CPPED1: variants seen among roughly 807,000 people sequenced by gnomAD.
CPPED1 encodes the protein serine/threonine-protein phosphatase CPPED1.
A neutral mutation model predicts 28.0 loss-of-function variants in CPPED1; 28 were observed. That is an observed-to-expected ratio of 1.00 (90% CI 0.74 to 1.37). CPPED1 has a LOEUF of 1.37. Ranked by LOEUF, CPPED1 falls within the 40% of genes most tolerant of loss-of-function variation. The pLI is 0.00. For missense variants in CPPED1, 504 were observed against 416.5 expected (o/e 1.21, Z -1.83); for synonymous variants, 198 against 180.2 (o/e 1.10, Z -0.79).
chr16:12,803,849 G>T lies in CPPED1; in HGVS notation c.-73C>A. On this transcript the variant is annotated 5_prime_UTR_variant, in exon 1 of 4. Coordinates refer to ENST00000381774, the MANE Select transcript of CPPED1 (RefSeq NM_018340.3). ...CCGCGCGACTTCACACAGAACAACC[G>T]CTGGACCTGTCCCGCTTTGGGCGAC... 4.3e-6 allele frequency: 6 copies of T among 1,402,766 alleles called. No homozygotes were observed. The highest frequency in any genetic ancestry group is 5.8e-6 in the Non-Finnish European group (6 of 1,035,560). The allele number at this position is 1,402,766 out of a possible 1,614,324, so 86.9% of individuals were successfully genotyped here.
At chr16:12,714,102 T>C (rs1567283953) in intron 2 of CPPED1, among the ~76,000 whole-genome samples, 1 of 152,256 alleles carries the variant, frequency 6.6e-6, no homozygotes. Context: ...TTGTAGCCTA[T>C]GTTAGTGCTT....
rs139603592 is a variant in CPPED1, at chr16:12,733,887, G to A, written c.290-28838C>T. On this transcript the variant is annotated intron_variant, in intron 2 of 3. Transcript: ENST00000381774. ...TTCTTAATCTGCATGCATTTATAAC[G>A]TGAATAAAGACAGAAAACAAAATGA... Among the ~76,000 whole-genome samples the A allele has an allele frequency of 9.4e-3, 1,422 of 151,646 alleles. 8 individuals are homozygous for A. Among genetic ancestry groups the A allele is most frequent in the Middle Eastern group, 0.058 (17 of 294 alleles).
intron 2 of CPPED1, among the ~76,000 whole-genome samples, chr16:12,739,452 G>C (rs2080243115): frequency 6.6e-6 from 1 of 152,054 alleles, no homozygotes; most frequent in Non-Finnish European, 1.5e-5. Context: ...ATGGTGGCAG[G>C]CGCCTGTAAT....
At chr16:12,768,515 T>C (rs1381376428) in intron 2 of CPPED1, among the ~76,000 whole-genome samples, 1 of 152,146 alleles carries the variant, frequency 6.6e-6, no homozygotes, top group Non-Finnish European at 1.5e-5. Context: ...CACCATTGAG[T>C]TTATATTTTG....
rs2080676476 is a variant in CPPED1 at position 12,803,773 on chromosome 16, A to C, written c.4T>G (p.Ser2Ala). 6.3e-7 allele frequency: 1 copy of C among 1,599,820 alleles called. No homozygotes were observed. The highest frequency in any genetic ancestry group is 8.5e-7 in the Non-Finnish European group (1 of 1,174,182). Residue 2 changes from serine to alanine, a missense_variant, in exon 1 of 4, where the codon TCG (serine) becomes GCG (alanine). By Grantham distance (99) the Ser-to-Ala change is moderately conservative. Coordinates refer to ENST00000381774, the MANE Select transcript of CPPED1 (RefSeq NM_018340.3). ...AAAACACCCCCCGCCTCTGCAGCCG[A>C]CATGGCGAGCGAGTTTCTGGCCTTC... is the stretch of plus-strand genomic sequence containing the variant. The part of the protein sequence containing the change: M[S>A]AAEAGGVFHR...
intron 3 of CPPED1, among the ~76,000 whole-genome samples, chr16:12,666,244 T>C (rs181699902): frequency 6.6e-6 from 1 of 152,020 alleles, no homozygotes; most frequent in Non-Finnish European, 1.5e-5. Context: ...AAACCCAAGG[T>C]CACAGGTAGG....
At chr16:12,777,977 T>C (rs2141236792) in intron 2 of CPPED1, among the ~76,000 whole-genome samples, 1 of 151,710 alleles carries the variant, frequency 6.6e-6, no homozygotes, top group East Asian at 1.9e-4. Flanking sequence ...TGGTGTAGTC[T>C]TGGCTCACTG....
rs977743533 is a variant in CPPED1 at position 12,705,043 on chromosome 16, G to A, written c.296C>T (p.Pro99Leu). 3.1e-6 allele frequency: 5 copies of A among 1,606,112 alleles called. No individual in the cohort carries two copies. Among genetic ancestry groups the A allele is most frequent in the African/African-American group, 2.7e-5 (2 of 74,900 alleles). ...GTCCTCCGTCTGCTCCGTCCGCCAC[G>A]GCTTCCCTGGAAGAGTGAGGGTCAC... ...GDLIHAMPGK[P>L]WRTEQTEDLK... is the part of the protein sequence containing the mutation. The change falls in exon 3 of 4, where the codon CCG becomes CTG. Residue 99 changes from proline (P) to leucine (L), a missense_variant. By Grantham distance (98) the Pro-to-Leu change is moderately conservative. Transcript: ENST00000381774.
At position 12,682,342 on chromosome 16, in the gene CPPED1, T is replaced by C. The variant is rs2079909540; in HGVS notation, c.716-17227A>G. Among the ~76,000 whole-genome samples the C allele has an allele frequency of 1.3e-5, 2 of 152,210 alleles. No homozygotes were observed. The highest frequency in any genetic ancestry group is 4.1e-4 in the South Asian group (2 of 4,830). On this transcript the variant is annotated intron_variant, in intron 3 of 3. Coordinates refer to ENST00000381774, the MANE Select transcript of CPPED1 (RefSeq NM_018340.3). The surrounding 1 kb of genome is among the most constrained non-coding windows in gnomAD (Gnocchi z 6.1). ...CGAGCCACCGCGCCCAGCCCCTTTA[T>C]TACTTTTCTACATGGGGGGCTATGC...
At chr16:12,748,629 T>C (rs1241454806) in intron 2 of CPPED1, among the ~76,000 whole-genome samples, 1 of 152,158 alleles carries the variant, frequency 6.6e-6, no homozygotes, top group Non-Finnish European at 1.5e-5. Context: ...CTCATGCCTG[T>C]AATCCCAGCA....
chr16:12,726,923 G>A (rs886530424), intron 2 of CPPED1, among the ~76,000 whole-genome samples: 10 of 152,176 alleles, frequency 6.6e-5, no homozygotes, highest in African/African-American at 2.2e-4. Flanking sequence ...CTGGGAGAGG[G>A]TGGTGAATGG....
intron 2 of CPPED1, among the ~76,000 whole-genome samples, chr16:12,719,877 A>G (rs1401346573): frequency 6.6e-6 from 1 of 152,156 alleles, no homozygotes; most frequent in African/African-American, 2.4e-5. Flanking sequence ...CAGAGGTTGC[A>G]GTGAGCTGAG....
Position 12,670,508 on chromosome 16 carries a change from G to GT in CPPED1, c.716-5394dup, listed in dbSNP as rs1264494383. Among the ~76,000 whole-genome samples the GT allele has an allele frequency of 1.3e-5, 2 of 151,096 alleles. No individual in the cohort carries two copies. Among genetic ancestry groups the GT allele is most frequent in the Non-Finnish European group, 2.9e-5 (2 of 67,830 alleles). On this transcript the variant is annotated intron_variant, in intron 3 of 3. Coordinates refer to ENST00000381774, the MANE Select transcript of CPPED1 (RefSeq NM_018340.3). The surrounding 1 kb of genome is among the most constrained non-coding windows in gnomAD (Gnocchi z 4.2). ...TCAAAGAGTATAGTTTAAAGAGAAG[G>GT]TTAAAAAAAAAAAGAATGTATTTAC...
At position 12,779,082 on chromosome 16, in the gene CPPED1, A is replaced by T. The variant is rs150218252; in HGVS notation, c.289+2103T>A. The stretch of plus-strand genomic sequence containing the variant: ...ATTTTAAATCTGATTTTGAAATATG[A>T]CTGAATACATCAACAGAATTCAGAA... On this transcript the variant is annotated intron_variant, in intron 2 of 3. Transcript: ENST00000381774. Among the ~76,000 whole-genome samples, 612 of 152,386 alleles carry T rather than the reference A, an allele frequency of 4.0e-3. 6 individuals carry two copies. The highest frequency in any genetic ancestry group is 0.02 in the Middle Eastern group (6 of 294).
At chr16:12,738,374 C>G (rs1195636607) in intron 2 of CPPED1, among the ~76,000 whole-genome samples, 1 of 151,820 alleles carries the variant, frequency 6.6e-6, no homozygotes, top group African/African-American at 2.4e-5. Context: ...AGTGATTTTC[C>G]TCTCTTCTTC....
chr16:12,686,916 A>T (rs924450366), intron 3 of CPPED1, among the ~76,000 whole-genome samples: 6 of 152,096 alleles, frequency 3.9e-5, no homozygotes, highest in African/African-American at 1.4e-4. Context: ...TGTAACTATG[A>T]TCCTTAAATA....
intron 2 of CPPED1, among the ~76,000 whole-genome samples, chr16:12,706,959 T>G (rs1369609802): frequency 1.3e-5 from 2 of 152,114 alleles, no homozygotes; most frequent in Non-Finnish European, 2.9e-5. Flanking sequence ...CCAGGAGGCC[T>G]CTCTCTCAGG....
intron 1 of CPPED1, among the ~76,000 whole-genome samples, chr16:12,787,920 C>A (rs925061101): frequency 2.0e-5 from 3 of 152,152 alleles, no homozygotes; most frequent in Non-Finnish European, 4.4e-5. Flanking sequence ...ATGCTGAGGT[C>A]TCATCTGAAG....
rs920923093 is a variant in CPPED1 at position 12,756,023 on chromosome 16, C to G, written c.289+25162G>C. On this transcript the variant is annotated intron_variant, in intron 2 of 3. Transcript: ENST00000381774. ...GCGGGCACCTGTAGTCCCAGCTACT[C>G]GGGAGGCTGAGGCAGGAGAATGGCG... Among the ~76,000 whole-genome samples, 10 of 151,732 alleles carry G rather than the reference C, an allele frequency of 6.6e-5. No individual in the cohort carries two copies. In the East Asian group the frequency reaches 1.2e-3, roughly 18 times the overall value.
Sources: allele counts gnomAD v4.1 joint callset (sites outside exome capture counted in the v4.1 genomes callset), GRCh38; gene constraint gnomAD v4.1.1; non-coding constraint Gnocchi (gnomAD v3.1); transcripts MANE v1.5; gene names NCBI Gene and HGNC (gene_info 2026-07-23, HGNC 2026-07-21).